The following FIG4 variants were observed in gnomAD, a reference collection of about 807,000 sequenced individuals.
The protein encoded by FIG4 is FIG4 phosphoinositide 5-phosphatase.
A neutral mutation model predicts 118.6 loss-of-function variants in FIG4; 112 were observed. The observed-to-expected ratio is 0.94, with a 90% confidence interval of 0.81 to 1.11. The LOEUF is 1.11. Ranked by LOEUF, FIG4 falls within the 50% of genes least tolerant of loss-of-function variation. The pLI, the probability that FIG4 is intolerant of heterozygous loss-of-function variation, is 0.00. For synonymous variants in FIG4, 369 were observed against 381.2 expected, an observed-to-expected ratio of 0.97 and a Z score of 0.37; for missense variants, 969 against 1,111.7, an observed-to-expected ratio of 0.87 and a Z score of 1.83.
At chr6:109,693,731 C>A (rs1223325878) in intron 1 of FIG4, among the ~76,000 whole-genome samples, 1 of 152,184 alleles carries the variant, frequency 6.6e-6, no homozygotes, top group African/African-American at 2.4e-5. Context: ...CATTCATGGC[C>A]AGGGGGGGTC....
intron 3 of FIG4, among the ~76,000 whole-genome samples, chr6:109,721,782 T>A (rs1206683830): frequency 6.6e-6 from 1 of 152,178 alleles, no homozygotes; most frequent in Non-Finnish European, 1.5e-5. Context: ...TGGAAAATAA[T>A]CTCATTTATA....
At chr6:109,800,140 C>T (rs1778390804) in intron 22 of FIG4, among the ~76,000 whole-genome samples, 1 of 152,140 alleles carries the variant, frequency 6.6e-6, no homozygotes, top group Non-Finnish European at 1.5e-5. Context: ...GTAGAGGAAC[C>T]AGGATTTAAA....
At chr6:109,794,231 G>T (rs1214857850) in intron 21 of FIG4, among the ~76,000 whole-genome samples, 1 of 152,200 alleles carries the variant, frequency 6.6e-6, no homozygotes, top group African/African-American at 2.4e-5. Flanking sequence ...AGATTAAAAA[G>T]ATATTATCCC....
intron 8 of FIG4, 129 bp downstream of exon 8, chr6:109,741,673 C>G: frequency 1.4e-6 from 1 of 722,036 alleles, no homozygotes; most frequent in Admixed American, 2.0e-5. Flanking sequence ...AATACAGTTG[C>G]CTTTTAGTAT....
chr6:109,720,749 C>T (rs1430463319), intron 3 of FIG4, among the ~76,000 whole-genome samples: 2 of 152,196 alleles, frequency 1.3e-5, no homozygotes, highest in African/African-American at 4.8e-5. Flanking sequence ...TCTGAAAGCT[C>T]ATGGACCAGC....
At chr6:109,765,920 T>G (rs1195742300) in intron 14 of FIG4, among the ~76,000 whole-genome samples, 1 of 152,188 alleles carries the variant, frequency 6.6e-6, no homozygotes, top group Non-Finnish European at 1.5e-5. Flanking sequence ...ATCACTGCAC[T>G]GGAAATATTA....
intron 20 of FIG4, among the ~76,000 whole-genome samples, 160 bp downstream of exon 20, chr6:109,791,731 A>C (rs574868372): frequency 5.5e-4 from 84 of 152,332 alleles, no homozygotes; most frequent in Middle Eastern, 3.4e-3. Context: ...CATTTACATG[A>C]TTTTATTTCA....
intron 7 of FIG4, among the ~76,000 whole-genome samples, chr6:109,738,719 G>A (rs934947831): frequency 6.6e-6 from 1 of 152,228 alleles, no homozygotes; most frequent in Admixed American, 6.5e-5. Flanking sequence ...TCTGGGAGAA[G>A]GAGGAGAATT....
chr6:109,825,262 G>A lies in FIG4; in HGVS notation c.2721G>A (p.Leu907=). The change falls in exon 23 of 23, where the codon CTG becomes CTA. Residue 907 remains leucine, a synonymous_variant. Transcript: ENST00000230124. ...GAGAGTACATCAGGAACCGCTACCT[G>A]TGAAAAGAGCGCAGGTCCACCTGGT... is the stretch of plus-strand genomic sequence containing the variant. ...MYREYIRNRY[L] The A allele has an allele frequency of 6.2e-7, 1 of 1,614,034 alleles. No individual in the cohort carries two copies. The highest frequency in any genetic ancestry group is 8.5e-7 in the Non-Finnish European group (1 of 1,179,916).
chr6:109,713,181 C>T (rs965462935), intron 1 of FIG4, among the ~76,000 whole-genome samples: 3 of 152,152 alleles, frequency 2.0e-5, no homozygotes, highest in African/African-American at 4.8e-5. Flanking sequence ...TTTCATGGTG[C>T]GGTGGCGGTG....
chr6:109,727,351 T>C, intron 4 of FIG4, 86 bp downstream of exon 4: 2 of 1,088,102 alleles, frequency 1.8e-6, no homozygotes, highest in East Asian at 2.4e-5. Flanking sequence ...TATAATGGCA[T>C]GGTCATAGCT....
chr6:109,776,394 T>C (rs1583717262), intron 15 of FIG4, among the ~76,000 whole-genome samples: 1 of 152,288 alleles, frequency 6.6e-6, no homozygotes, highest in South Asian at 2.1e-4. Flanking sequence ...GTTGTAAACA[T>C]TGTCTCTGTT....
Position 109,777,001 on chromosome 6 carries a change from C to T in FIG4, c.1830C>T (p.Leu610=), listed in dbSNP as rs1314042541. Residue 610 remains leucine, a synonymous_variant, in exon 16 of 23, where the codon CTC becomes CTT. Coordinates refer to ENST00000230124, the MANE Select transcript of FIG4 (RefSeq NM_014845.6). ...PTEGKPHLWE[L]PTDFYLHHKN... ...AAGGGAAACCTCATCTCTGGGAGCT[C>T]CCAACAGATTTTTATTTGCATCACA... 2 of 1,613,650 alleles carry T rather than the reference C, an allele frequency of 1.2e-6. No individual in the cohort carries two copies. The highest frequency in any genetic ancestry group is 2.2e-5 in the East Asian group (1 of 44,842).
chr6:109,734,606 G>A (rs1015306730), intron 5 of FIG4, among the ~76,000 whole-genome samples: 1 of 151,690 alleles, frequency 6.6e-6, no homozygotes, highest in African/African-American at 2.4e-5. Context: ...GCACAGAGAC[G>A]GTTATATTTT....
intron 3 of FIG4, among the ~76,000 whole-genome samples, chr6:109,724,623 A>G (rs534257370): frequency 1.3e-5 from 2 of 152,278 alleles, no homozygotes; most frequent in South Asian, 4.1e-4. Context: ...TGTGCATGGT[A>G]TAATTGGATG....
intron 1 of FIG4, chr6:109,701,800 G>T (rs1774917136): frequency 4.3e-6 from 2 of 464,842 alleles, no homozygotes; most frequent in South Asian, 3.1e-5. Context: ...GGGTGTAGTT[G>T]ACTAAGGATT....
intron 15 of FIG4, among the ~76,000 whole-genome samples, chr6:109,775,272 T>C (rs1351197205): frequency 6.6e-6 from 1 of 152,234 alleles, no homozygotes; most frequent in Non-Finnish European, 1.5e-5. Context: ...TCATTAGGGC[T>C]GGCCTTATAT....
chr6:109,708,656 C>T (rs944840671), intron 1 of FIG4, among the ~76,000 whole-genome samples: 2 of 152,148 alleles, frequency 1.3e-5, no homozygotes, highest in East Asian at 1.9e-4. Context: ...TTAGTAATAG[C>T]CATTCTGACT....
intron 10 of FIG4, among the ~76,000 whole-genome samples, chr6:109,749,979 G>A (rs995366567): frequency 1.3e-5 from 2 of 152,186 alleles, no homozygotes; most frequent in Non-Finnish European, 2.9e-5. Flanking sequence ...TAGGATTAAA[G>A]AAGATGTTTA....
Sources: allele counts gnomAD v4.1 joint callset (sites outside exome capture counted in the v4.1 genomes callset), GRCh38; gene constraint gnomAD v4.1.1; transcripts MANE v1.5; gene names NCBI Gene and HGNC (gene_info 2026-07-23, HGNC 2026-07-21).